The following GALNT1 variants were observed in gnomAD, a reference collection of about 807,000 sequenced individuals.
GALNT1 encodes the protein GalNAc transferase 1.
A neutral mutation model predicts 65.7 loss-of-function variants in GALNT1; 17 were observed. The ratio of observed to expected loss-of-function variants is 0.26; its 90% CI spans 0.18 to 0.39. The LOEUF is 0.39. Among genes scored for constraint, GALNT1 ranks in the 10% least tolerant of loss-of-function variants. The probability of loss-of-function intolerance (pLI) is 1.00; values close to 1 mark genes in which losing one functional copy is unlikely to be tolerated. For synonymous variants in GALNT1, 210 were observed against 219.7 expected, an observed-to-expected ratio of 0.96 and a Z score of 0.39; for missense variants, 460 against 672.8, an observed-to-expected ratio of 0.68 and a Z score of 3.50.
intron 1 of GALNT1, among the ~76,000 whole-genome samples, chr18:35,648,024 G>GAAGAAGA (rs535059591): frequency 6.9e-6 from 1 of 145,836 alleles, no homozygotes; most frequent in African/African-American, 2.6e-5. Flanking sequence ...AAAACAAAAA[G>GAAGAAGA]AGAAGAAGAA....
intron 1 of GALNT1, among the ~76,000 whole-genome samples, chr18:35,612,080 C>T (rs2046725219): frequency 6.6e-6 from 1 of 151,960 alleles, no homozygotes; most frequent in African/African-American, 2.4e-5. Context: ...AAAATATGAG[C>T]TCTAGCTTTG....
chr18:35,616,474 C>T (rs977368306), intron 1 of GALNT1, among the ~76,000 whole-genome samples: 11 of 152,122 alleles, frequency 7.2e-5, no homozygotes, highest in East Asian at 5.8e-4. Flanking sequence ...ATTTATATCT[C>T]TATTAAAAGA....
At chr18:35,671,584 C>T (rs1298929573) in intron 3 of GALNT1, among the ~76,000 whole-genome samples, 3 of 152,186 alleles carry the variant, frequency 2.0e-5, no homozygotes, top group Non-Finnish European at 2.9e-5. Flanking sequence ...TTTTGACCTA[C>T]GAAAATGACA....
rs564036743 is a variant in GALNT1, at chr18:35,686,269, A to G, written c.690-747A>G. Among the ~76,000 whole-genome samples, 12 of 152,374 alleles carry G rather than the reference A, an allele frequency of 7.9e-5. 1 individual carries two copies. The highest frequency in any genetic ancestry group is 6.5e-4 in the Admixed American group (10 of 15,304). On this transcript the variant is annotated intron_variant, in intron 5 of 11. Coordinates refer to ENST00000269195, the MANE Select transcript of GALNT1 (RefSeq NM_020474.4). ...GAAAGTCAATATCATAAGAGTATCA[A>G]TTCTACCCAAATTCATATATAAATT... is the stretch of plus-strand genomic sequence containing the variant.
intron 1 of GALNT1, among the ~76,000 whole-genome samples, chr18:35,640,855 A>G (rs2047151455): frequency 6.6e-6 from 1 of 152,252 alleles, no homozygotes; most frequent in South Asian, 2.1e-4. Flanking sequence ...GGTTATCCAC[A>G]TAGGAGGGAA....
intron 4 of GALNT1, 27 bp from the exon 5 acceptor site, chr18:35,683,356 ACTGGTTTG>A (rs776177896): frequency 6.5e-7 from 1 of 1,548,862 alleles, no homozygotes; most frequent in South Asian, 1.1e-5. Flanking sequence ...GCCAGGCCAC[ACTGGTTTG>A]CATGTTTTCT....
At chr18:35,586,555 T>C (rs2046380218) in intron 1 of GALNT1, among the ~76,000 whole-genome samples, 1 of 141,956 alleles carries the variant, frequency 7.0e-6, no homozygotes, top group Non-Finnish European at 1.5e-5. Flanking sequence ...CCCTAATAGT[T>C]TTGTGGTTTT....
chr18:35,672,297 C>G (rs892900120), intron 3 of GALNT1, among the ~76,000 whole-genome samples: 2 of 152,132 alleles, frequency 1.3e-5, no homozygotes, highest in African/African-American at 4.8e-5. Flanking sequence ...TCCATCTCTA[C>G]TTTTTTTTCT....
intron 1 of GALNT1, among the ~76,000 whole-genome samples, chr18:35,637,953 A>T (rs1289296780): frequency 6.6e-6 from 1 of 152,264 alleles, no homozygotes; most frequent in African/African-American, 2.4e-5. Flanking sequence ...CAAAGGCTGG[A>T]TGACAGCATA....
At position 35,654,558 on chromosome 18, in the gene GALNT1, A is replaced by G; in HGVS notation, c.-103-2A>G. The G allele has an allele frequency of 1.7e-5, 8 of 484,268 alleles. No homozygotes were observed. Among genetic ancestry groups the G allele is most frequent in the Non-Finnish European group, 2.2e-5 (7 of 322,606 alleles). 30.0% of individuals were successfully genotyped at this position (484,268 alleles called of 1,614,324 possible). A position where few individuals can be genotyped will look rare whatever the true frequency, so the allele number is the denominator to read the frequency against. ...AATCTTTTTTCCTTTCTTTCTCTAT[A>G]GGGTATGAACGTGATTTCTGATGAA... On this transcript the variant is annotated splice_acceptor_variant, in intron 1 of 11. Transcript: ENST00000269195. LOFTEE classifies it low-confidence loss of function (5UTR_SPLICE).
intron 11 of GALNT1, among the ~76,000 whole-genome samples, chr18:35,705,187 T>C (rs145149337): frequency 2.4e-4 from 36 of 152,342 alleles, no homozygotes; most frequent in African/African-American, 7.9e-4. Context: ...ACATACCTTA[T>C]ACTTTCCTAG....
At chr18:35,639,971 A>G (rs992368062) in intron 1 of GALNT1, among the ~76,000 whole-genome samples, 1 of 152,010 alleles carries the variant, frequency 6.6e-6, no homozygotes, top group African/African-American at 2.4e-5. Context: ...TAATTTTTGT[A>G]TTTTAAGTAG....
intron 1 of GALNT1, among the ~76,000 whole-genome samples, chr18:35,598,666 A>G (rs1157929259): frequency 1.3e-5 from 2 of 152,138 alleles, no homozygotes; most frequent in Admixed American, 6.5e-5. Context: ...TATTTTGGCT[A>G]TTGTAAATAG....
chr18:35,653,885 ACTTTT>A (rs2047342339), intron 1 of GALNT1, among the ~76,000 whole-genome samples: 1 of 152,252 alleles, frequency 6.6e-6, no homozygotes, highest in South Asian at 2.1e-4. Context: ...TATGACATAT[ACTTTT>A]CTTTTCCATT....
intron 3 of GALNT1, among the ~76,000 whole-genome samples, chr18:35,673,316 C>T (rs1164732010): frequency 6.6e-6 from 1 of 152,176 alleles, no homozygotes; most frequent in Non-Finnish European, 1.5e-5. Context: ...GCTCTTCTTT[C>T]ATACTATAGT....
At chr18:35,626,532 T>C (rs2046919087) in intron 1 of GALNT1, among the ~76,000 whole-genome samples, 1 of 152,224 alleles carries the variant, frequency 6.6e-6, no homozygotes, top group African/African-American at 2.4e-5. Context: ...TATATACCTA[T>C]ATAAATCAAT....
rs2047982940 is a variant in GALNT1 at position 35,692,412 on chromosome 18, GA to G, written c.1299+95del. ...AGGAGTTAGTTAAACTTCCAATAAG[GA>G]AAGTACCTTCATGTTAACATTTAAC... On this transcript the variant is annotated intron_variant, in intron 9 of 11. Transcript: ENST00000269195. 4 of 744,050 alleles carry G rather than the reference GA, an allele frequency of 5.4e-6. No homozygotes were observed. In the African/African-American group the frequency reaches 5.6e-5, roughly 10 times the overall value. 46.1% of individuals were successfully genotyped at this position (744,050 alleles called of 1,614,324 possible).
At chr18:35,600,588 T>C (rs1188034701) in intron 1 of GALNT1, among the ~76,000 whole-genome samples, 1 of 152,198 alleles carries the variant, frequency 6.6e-6, no homozygotes, top group African/African-American at 2.4e-5. Flanking sequence ...TGAGCATCCT[T>C]GTCTTGTTCC....
intron 5 of GALNT1, among the ~76,000 whole-genome samples, chr18:35,684,992 C>G (rs1031797691): frequency 3.3e-5 from 5 of 152,196 alleles, no homozygotes; most frequent in African/African-American, 1.2e-4. Context: ...TCAGAGAAAA[C>G]TTGCCTGTCT....
Sources: allele counts gnomAD v4.1 joint callset (sites outside exome capture counted in the v4.1 genomes callset), GRCh38; gene constraint gnomAD v4.1.1; transcripts MANE v1.5; gene names NCBI Gene and HGNC (gene_info 2026-07-23, HGNC 2026-07-21).